The following INPP4B variants were observed in gnomAD, a reference collection of about 807,000 sequenced individuals.
The protein encoded by INPP4B is inositol polyphosphate 4-phosphatase type II.
INPP4B carries 55 observed loss-of-function variants against 122.5 expected under a neutral mutation model. That is an observed-to-expected ratio of 0.45 (90% CI 0.36 to 0.56). The LOEUF (loss-of-function observed/expected upper bound fraction) is 0.56, where lower values mean the gene tolerates loss of function less well. INPP4B is among the 20% of genes least tolerant of loss of function. The pLI is 0.00. For synonymous variants in INPP4B, 403 were observed against 388.7 expected (o/e 1.04, Z -0.43); for missense variants, 1,000 against 1,097.7 (o/e 0.91, Z 1.26).
Position 142,814,156 on chromosome 4 carries a change from G to T in INPP4B, c.-254+32053C>A, listed in dbSNP as rs547839698. On this transcript the variant is annotated intron_variant, in intron 1 of 25. Transcript: ENST00000262992. Reference sequence around the variant, plus strand: ...GTGCAAAAGACAGAAGGGGAAAAATGGTGAGAAAGCAGGTAACAGGGAAAA... The same window carrying T: ...GTGCAAAAGACAGAAGGGGAAAAATTGTGAGAAAGCAGGTAACAGGGAAAA... Among the ~76,000 whole-genome samples the T allele has an allele frequency of 1.1e-3, 164 of 152,248 alleles. 1 individual carries two copies. The highest frequency in any genetic ancestry group is 1.9e-3 in the Non-Finnish European group (131 of 68,008).
intron 1 of INPP4B, among the ~76,000 whole-genome samples, chr4:142,807,853 T>C (rs1329981643): frequency 6.6e-6 from 1 of 152,208 alleles, no homozygotes; most frequent in Non-Finnish European, 1.5e-5. Flanking sequence ...CAATATTTTA[T>C]CTAAATATGC....
At chr4:142,109,669 T>G (rs1338745391) in intron 22 of INPP4B, among the ~76,000 whole-genome samples, 5 of 152,188 alleles carry the variant, frequency 3.3e-5, no homozygotes, top group Non-Finnish European at 7.3e-5. Context: ...ATCTCCTCTA[T>G]GATACTTCCC....
chr4:142,533,142 G>A (rs145615103), intron 2 of INPP4B, among the ~76,000 whole-genome samples: 1,634 of 152,184 alleles, frequency 0.011, 30 homozygotes, highest in African/African-American at 0.037. Context: ...TTTTATCTTC[G>A]GAGGTCAAAA....
intron 9 of INPP4B, among the ~76,000 whole-genome samples, chr4:142,283,924 A>G (rs1324517985): frequency 6.6e-6 from 1 of 152,160 alleles, no homozygotes; most frequent in Non-Finnish European, 1.5e-5. Flanking sequence ...CAAAAGAAAC[A>G]GAGAAGAAAT....
intron 25 of INPP4B, among the ~76,000 whole-genome samples, chr4:142,037,426 T>C (rs1470596876): frequency 6.6e-6 from 1 of 152,162 alleles, no homozygotes; most frequent in African/African-American, 2.4e-5. Flanking sequence ...TAAAAGTCAG[T>C]CTTCCTATCT....
chr4:142,300,995 A>G (rs1028569944), intron 9 of INPP4B, among the ~76,000 whole-genome samples: 2 of 152,176 alleles, frequency 1.3e-5, no homozygotes, highest in African/African-American at 4.8e-5. Flanking sequence ...AAGAAATAAT[A>G]AAGTCCTCGT....
At chr4:142,426,384 A>ACT (rs1808056650) in intron 5 of INPP4B, 1 of 151,980 alleles carries the variant, frequency 6.6e-6, no homozygotes, top group Non-Finnish European at 1.5e-5. Context: ...CCATAAACAA[A>ACT]CTCAGTGTTC....
intron 2 of INPP4B, among the ~76,000 whole-genome samples, chr4:142,653,072 C>T (rs986952201): frequency 1.3e-5 from 2 of 152,138 alleles, no homozygotes; most frequent in African/African-American, 4.8e-5. Flanking sequence ...TAACACCACA[C>T]ATCTACAACC....
chr4:142,837,707 A>G (rs1782971262), intron 1 of INPP4B, among the ~76,000 whole-genome samples: 1 of 152,184 alleles, frequency 6.6e-6, no homozygotes, highest in African/African-American at 2.4e-5. Flanking sequence ...AAAATGATTT[A>G]TATCTTCCAG....
Position 142,086,265 on chromosome 4 carries a change from G to GA in INPP4B, c.2375-10dup. 6.9e-7 allele frequency: 1 copy of GA among 1,440,214 alleles called. No homozygotes were observed. Among genetic ancestry groups the GA allele is most frequent in the South Asian group, 1.1e-5 (1 of 87,016 alleles). 89.2% of individuals were successfully genotyped at this position (1,440,214 alleles called of 1,614,324 possible). On this transcript the variant is annotated splice_polypyrimidine_tract_variant and intron_variant, in intron 23 of 25. Transcript: ENST00000262992. The stretch of plus-strand genomic sequence containing the variant: ...CTGAAAATGTGAAATATCTGAAGGG[G>GA]AAAAAACAAAGGAGAAAAATAAAAT...
intron 18 of INPP4B, among the ~76,000 whole-genome samples, chr4:142,129,569 A>C (rs1217917944): frequency 3.3e-5 from 5 of 152,190 alleles, no homozygotes; most frequent in Non-Finnish European, 5.9e-5. Flanking sequence ...AGGCCTCTAA[A>C]TACCTGGACA....
chr4:142,460,956 A>G (rs1263512471), intron 3 of INPP4B, among the ~76,000 whole-genome samples: 1 of 152,114 alleles, frequency 6.6e-6, no homozygotes, highest in Non-Finnish European at 1.5e-5. Flanking sequence ...AGATGGGTGG[A>G]TCATTTGAGC....
chr4:142,029,928 T>C, intron 25 of INPP4B: 2 of 1,269,640 alleles, frequency 1.6e-6, no homozygotes, highest in Non-Finnish European at 1.0e-6. Context: ...GGGAAACACC[T>C]TTCCATGAAC....
intron 2 of INPP4B, among the ~76,000 whole-genome samples, chr4:142,629,136 T>C (rs544423711): frequency 2.6e-4 from 40 of 151,700 alleles, no homozygotes; most frequent in Non-Finnish European, 5.3e-4. Context: ...CCAGTGGTTC[T>C]TCTCTCAGCC....
intron 2 of INPP4B, among the ~76,000 whole-genome samples, chr4:142,666,623 G>A (rs996920873): frequency 2.0e-5 from 3 of 151,958 alleles, no homozygotes; most frequent in African/African-American, 7.2e-5. Flanking sequence ...AATTTTTAAT[G>A]TGGTATTGGC....
At chr4:142,544,024 T>C (rs377722098) in intron 2 of INPP4B, among the ~76,000 whole-genome samples, 5 of 151,996 alleles carry the variant, frequency 3.3e-5, no homozygotes, top group African/African-American at 1.2e-4. Context: ...GGAATATGTG[T>C]GGAAGTTTTC....
At chr4:142,751,435 A>C (rs1453959165) in intron 1 of INPP4B, among the ~76,000 whole-genome samples, 2 of 152,026 alleles carry the variant, frequency 1.3e-5, no homozygotes, top group African/African-American at 4.8e-5. Flanking sequence ...CAGGCAAACA[A>C]GATGTATTTT....
intron 3 of INPP4B, among the ~76,000 whole-genome samples, chr4:142,459,567 G>A (rs1816281322): frequency 6.6e-6 from 1 of 152,112 alleles, no homozygotes; most frequent in Non-Finnish European, 1.5e-5. Flanking sequence ...ATAGCAAACT[G>A]GCAATCTGAT....
chr4:142,808,919 G>A (rs1480454394), intron 1 of INPP4B, among the ~76,000 whole-genome samples: 2 of 152,014 alleles, frequency 1.3e-5, no homozygotes, highest in African/African-American at 4.8e-5. Context: ...ATTTGTTAAT[G>A]TTAGAATACA....
Sources: allele counts gnomAD v4.1 joint callset (sites outside exome capture counted in the v4.1 genomes callset), GRCh38; gene constraint gnomAD v4.1.1; transcripts MANE v1.5; gene names NCBI Gene and HGNC (gene_info 2026-07-23, HGNC 2026-07-21).